GSPT2: variants seen among roughly 807,000 people sequenced by gnomAD.
GSPT2 encodes eukaryotic peptide chain release factor GTP-binding subunit ERF3B.
Under a neutral mutation model 24.6 loss-of-function variants are expected in GSPT2, and 2 were observed. That is an observed-to-expected ratio of 0.08 (90% confidence interval 0.03 to 0.26). The LOEUF (loss-of-function observed/expected upper bound fraction) is 0.26, where lower values mean the gene tolerates loss of function less well. Among genes scored for constraint, GSPT2 ranks in the 10% least tolerant of loss-of-function variants. The probability of loss-of-function intolerance (pLI) is 1.00; values close to 1 mark genes in which losing one functional copy is unlikely to be tolerated. For missense variants in GSPT2, 322 were observed against 489.6 expected, an observed-to-expected ratio of 0.66 and a Z score of 3.23; for synonymous variants, 194 against 189.3, an observed-to-expected ratio of 1.02 and a Z score of -0.20.
At position 51,745,717 on chromosome X, in the gene GSPT2, CTG is replaced by C. The variant is rs1923980293; in HGVS notation, c.*206_*207del. ...GAATTTACCCTCAAGTTTCCTTCCT[CTG>C]TACCACTCTGCTTCCTTGGACAATA... is the stretch of plus-strand genomic sequence containing the variant. On this transcript the variant is annotated 3_prime_UTR_variant, in exon 1 of 1. Coordinates refer to ENST00000340438, the MANE Select transcript of GSPT2 (RefSeq NM_018094.5). 2 of 422,439 alleles carry C rather than the reference CTG, an allele frequency of 4.7e-6. No homozygotes were observed. Among genetic ancestry groups the C allele is most frequent in the East Asian group, 7.9e-5 (2 of 25,398 alleles). 34.8% of individuals were successfully genotyped at this position (422,439 alleles called of 1,213,427 possible). A position where few individuals can be genotyped will look rare whatever the true frequency, so the allele number is the denominator to read the frequency against.
rs1557349108 is a variant in GSPT2 at position 51,746,127 on chromosome X, T to A, written c.*614T>A. ...GTGTATTAAAGGAATAATTTTAATT[T>A]TGAGAAAAAAACGTATGTTAAGGCT... On this transcript the variant is annotated 3_prime_UTR_variant, in exon 1 of 1. Coordinates refer to ENST00000340438, the MANE Select transcript of GSPT2 (RefSeq NM_018094.5). The A allele has an allele frequency of 8.1e-6, 1 of 124,057 alleles. No individual in the cohort carries two copies. The allele number at this position is 124,057 out of a possible 1,213,427, so 10.2% of individuals were successfully genotyped here.
In GSPT2 at chrX:51,744,206, G is replaced by C. The variant is rs367676302; in HGVS notation, c.580G>C (p.Val194Leu). Residue 194 changes from valine (V) to leucine (L), a missense_variant, in exon 1 of 1, where the codon GTA becomes CTA. Around this residue, in one of 4 missense-constraint regions of GSPT2, gnomAD observed 72 missense variants for 121.5 expected, o/e 0.59. Coordinates refer to ENST00000340438, the MANE Select transcript of GSPT2 (RefSeq NM_018094.5). ...AATAAGAAAATCCAAATCTGTGATC[G>C]TACCCTCAGGTGCACCTAAGAAAGA... Reference protein sequence around the residue: ...EEIRKSKSVIVPSGAPKKEHV... With the variant: ...EEIRKSKSVILPSGAPKKEHV... 1.7e-6 allele frequency: 2 copies of C among 1,206,406 alleles called. No homozygotes were observed. The highest frequency in any genetic ancestry group is 2.2e-6 in the Non-Finnish European group (2 of 891,370).
In GSPT2 at chrX:51,743,669, T is replaced by A; in HGVS notation, c.43T>A (p.Trp15Arg). The A allele has an allele frequency of 8.3e-7, 1 of 1,203,717 alleles. No homozygotes were observed. The highest frequency in any genetic ancestry group is 1.1e-6 in the Non-Finnish European group (1 of 891,533). ...CAGCAGCGACTCGGCGCCCGATTGC[T>A]GGGACCAGGTGGACATGGAATCCCC... ...SSSSDSAPDC[W>R]DQVDMESPGS... Residue 15 changes from tryptophan to arginine, a missense_variant, in exon 1 of 1, where the codon TGG (tryptophan) becomes AGG (arginine). Transcript: ENST00000340438.
At position 51,743,875 on chromosome X, in the gene GSPT2, G is replaced by A. The variant is rs1923945392; in HGVS notation, c.249G>A (p.Pro83=). The part of the protein sequence containing the change: ...LRGPTQPPTL[P]AGSGSNDETC... ...GCCCGACTCAGCCGCCCACCCTCCC[G>A]GCCGGCTCCGGCAGCAACGATGAAA... The change falls in exon 1 of 1, where the codon CCG becomes CCA. Residue 83 remains proline (P), a synonymous_variant. Transcript: ENST00000340438. 1.7e-6 allele frequency: 2 copies of A among 1,204,273 alleles called. No homozygotes were observed. Among genetic ancestry groups the A allele is most frequent in the Non-Finnish European group, 2.2e-6 (2 of 891,728 alleles).
chrX:51,745,084 C>T lies in GSPT2; in HGVS notation c.1458C>T (p.Ala486=). 8.3e-7 allele frequency: 1 copy of T among 1,207,092 alleles called. No homozygotes were observed. ...ATGATACTGAAACTGATTTTGTAGC[C>T]CCAGGTGAAAACCTCAAAATCAGAC... The part of the protein sequence containing the change: ...LSDDTETDFV[A]PGENLKIRLK... Residue 486 remains alanine, a synonymous_variant, in exon 1 of 1, where the codon GCC becomes GCT. Coordinates refer to ENST00000340438, the MANE Select transcript of GSPT2 (RefSeq NM_018094.5).
chrX:51,745,406 C>T lies in GSPT2; in HGVS notation c.1780C>T (p.Leu594Phe), dbSNP rs1557349008. The change falls in exon 1 of 1, where the codon CTC becomes TTC. Residue 594 changes from leucine (L) to phenylalanine (F), a missense_variant. By Grantham distance (22) the Leu-to-Phe change is conservative. Coordinates refer to ENST00000340438, the MANE Select transcript of GSPT2 (RefSeq NM_018094.5). ...ARLRTAGTIC[L>F]ETFKDFPQMG... The stretch of plus-strand genomic sequence containing the variant: ...TTTAAGGACAGCAGGAACCATCTGC[C>T]TCGAGACGTTCAAAGATTTTCCTCA... 8.3e-7 allele frequency: 1 copy of T among 1,205,336 alleles called. No homozygotes were observed. The highest frequency in any genetic ancestry group is 1.1e-6 in the Non-Finnish European group (1 of 889,896).
Position 51,743,597 on chromosome X carries a change from C to A in GSPT2, c.-30C>A. On this transcript the variant is annotated 5_prime_UTR_variant, in exon 1 of 1. Coordinates refer to ENST00000340438, the MANE Select transcript of GSPT2 (RefSeq NM_018094.5). Reference sequence around the variant, plus strand: ...CTCTTCTGGCCTGTTGAGCCCGCTCCCTCACTGCCACACAGCAAGTTCCGA... The same window carrying A: ...CTCTTCTGGCCTGTTGAGCCCGCTCACTCACTGCCACACAGCAAGTTCCGA... 8.7e-7 allele frequency: 1 copy of A among 1,155,508 alleles called. No homozygotes were observed. Among genetic ancestry groups the A allele is most frequent in the Middle Eastern group, 2.5e-4 (1 of 3,993 alleles).
In GSPT2 at chrX:51,743,971, G is replaced by T. The variant is rs1363226501; in HGVS notation, c.345G>T (p.Glu115Asp). 8.3e-7 allele frequency: 1 copy of T among 1,206,027 alleles called. No homozygotes were observed. The highest frequency in any genetic ancestry group is 1.7e-5 in the African/African-American group (1 of 57,157). ...GGGCACCTGTGGAACCTTCCCGAGA[G>T]GAACCGTTAGTGTCGCTTGAAGGTT... ...GRGAPVEPSR[E>D]EPLVSLEGSN... The change falls in exon 1 of 1, where the codon GAG becomes GAT. Residue 115 changes from glutamate (E) to aspartate (D), a missense_variant. Glu to Asp is a conservative substitution (Grantham distance 45, BLOSUM62 2). Around this residue, in one of 4 missense-constraint regions of GSPT2, gnomAD observed 125 missense variants for 121.3 expected, o/e 1.03. Coordinates refer to ENST00000340438, the MANE Select transcript of GSPT2 (RefSeq NM_018094.5).
Position 51,744,250 on chromosome X carries a change from C to A in GSPT2, c.624C>A (p.Phe208Leu). 8.3e-7 allele frequency: 1 copy of A among 1,210,133 alleles called. No homozygotes were observed. The highest frequency in any genetic ancestry group is 1.1e-6 in the Non-Finnish European group (1 of 894,353). The change falls in exon 1 of 1, where the codon TTC (phenylalanine) becomes TTA (leucine). Residue 208 changes from phenylalanine (F) to leucine (L), a missense_variant. Phe to Leu is a conservative substitution (Grantham distance 22). This residue lies in a region of GSPT2 where 72 missense variants were observed against 121.5 expected (regional missense o/e 0.59). Coordinates refer to ENST00000340438, the MANE Select transcript of GSPT2 (RefSeq NM_018094.5). Reference sequence around the variant, plus strand: ...AGAAAGAACACGTAAATGTAGTATTCATTGGCCATGTAGACGCTGGCAAGT... The same window carrying A: ...AGAAAGAACACGTAAATGTAGTATTAATTGGCCATGTAGACGCTGGCAAGT... ...APKKEHVNVV[F>L]IGHVDAGKST...
In GSPT2 at chrX:51,744,363, A is replaced by G; in HGVS notation, c.737A>G (p.Asn246Ser). 2 of 1,211,890 alleles carry G rather than the reference A, an allele frequency of 1.7e-6. No individual in the cohort carries two copies. Among genetic ancestry groups the G allele is most frequent in the African/African-American group, 1.7e-5 (1 of 57,851 alleles). The change falls in exon 1 of 1, where the codon AAC (asparagine) becomes AGC (serine). Residue 246 changes from asparagine to serine, a missense_variant. Physicochemically the swap from Asn to Ser is conservative, Grantham distance 46. Around this residue, in one of 4 missense-constraint regions of GSPT2, gnomAD observed 72 missense variants for 121.5 expected, o/e 0.59. Transcript: ENST00000340438. ...TATGAAAGAGAAGCTAAGGAAAAAA[A>G]CAGAGAAACCTGGTATTTGTCCTGG... ...EKYEREAKEKNRETWYLSWAL... is the reference protein window; with the variant it reads ...EKYEREAKEKSRETWYLSWAL...
rs782600305 is a variant in GSPT2, at chrX:51,743,886, G to A, written c.260G>A (p.Gly87Asp). Residue 87 changes from glycine to aspartate, a missense_variant, in exon 1 of 1, where the codon GGC becomes GAC. Gly to Asp is a moderately conservative substitution (Grantham distance 94, BLOSUM62 -1). Around this residue, in one of 4 missense-constraint regions of GSPT2, gnomAD observed 125 missense variants for 121.3 expected, o/e 1.03. Coordinates refer to ENST00000340438, the MANE Select transcript of GSPT2 (RefSeq NM_018094.5). Reference protein sequence around the residue: ...TQPPTLPAGSGSNDETCTGAG... With the variant: ...TQPPTLPAGSDSNDETCTGAG... The stretch of plus-strand genomic sequence containing the variant: ...CCGCCCACCCTCCCGGCCGGCTCCG[G>A]CAGCAACGATGAAACCTGCACCGGC... 20 of 1,203,769 alleles carry A rather than the reference G, an allele frequency of 1.7e-5. No homozygotes were observed. In the Admixed American group the frequency reaches 4.4e-4, roughly 27 times the overall value.
chrX:51,743,618 T>A lies in GSPT2; in HGVS notation c.-9T>A. 1.7e-6 allele frequency: 2 copies of A among 1,184,178 alleles called. No individual in the cohort carries two copies. Among genetic ancestry groups the A allele is most frequent in the Non-Finnish European group, 2.3e-6 (2 of 880,513 alleles). ...GCTCCCTCACTGCCACACAGCAAGTTCCGAGACCATGGATTCGGGCAGCAG... is the reference window on the plus strand; with the variant it reads ...GCTCCCTCACTGCCACACAGCAAGTACCGAGACCATGGATTCGGGCAGCAG... On this transcript the variant is annotated 5_prime_UTR_variant, in exon 1 of 1. Transcript: ENST00000340438.
chrX:51,745,647 A>C lies in GSPT2; in HGVS notation c.*134A>C. On this transcript the variant is annotated 3_prime_UTR_variant, in exon 1 of 1. Coordinates refer to ENST00000340438, the MANE Select transcript of GSPT2 (RefSeq NM_018094.5). ...AAGAGAAATTTCACAGCAAAAATTC[A>C]TGTTTTGTCAGCTTTCTCATGTTGA... 2 of 471,940 alleles carry C rather than the reference A, an allele frequency of 4.2e-6. No individual in the cohort carries two copies. The highest frequency in any genetic ancestry group is 7.4e-6 in the Non-Finnish European group (2 of 269,918). The allele number at this position is 471,940 out of a possible 1,213,427, so 38.9% of individuals were successfully genotyped here.
chrX:51,743,779 G>A lies in GSPT2; in HGVS notation c.153G>A (p.Lys51=), dbSNP rs1557348788. ...REPLSSAFSR[K]LNVNAKPFVP... ...CCCTCAGCTCGGCTTTCAGCCGTAA[G>A]CTCAACGTCAACGCCAAGCCCTTCG... Residue 51 remains lysine (K), a synonymous_variant, in exon 1 of 1, where the codon AAG becomes AAA. Coordinates refer to ENST00000340438, the MANE Select transcript of GSPT2 (RefSeq NM_018094.5). The A allele has an allele frequency of 2.5e-6, 3 of 1,211,892 alleles. No homozygotes were observed. In the South Asian group the frequency reaches 5.3e-5, roughly 21 times the overall value.
rs1557348920 is a variant in GSPT2, at chrX:51,744,660, T to C, written c.1034T>C (p.Ile345Thr). ...AAAACGGCAGGGGTAAAACATTTAATAGTGCTTATTAATAAGATGGATGAT... is the reference window on the plus strand; with the variant it reads ...AAAACGGCAGGGGTAAAACATTTAACAGTGCTTATTAATAAGATGGATGAT... ...LAKTAGVKHL[I>T]VLINKMDDPT... is the part of the protein sequence containing the mutation. Residue 345 changes from isoleucine to threonine, a missense_variant, in exon 1 of 1, where the codon ATA becomes ACA. Coordinates refer to ENST00000340438, the MANE Select transcript of GSPT2 (RefSeq NM_018094.5). 1 of 1,209,047 alleles carries C rather than the reference T, an allele frequency of 8.3e-7. No homozygotes were observed.
Position 51,744,041 on chromosome X carries a change from A to G in GSPT2, c.415A>G (p.Asn139Asp), listed in dbSNP as rs1188754574. 1 of 1,208,899 alleles carries G rather than the reference A, an allele frequency of 8.3e-7. No homozygotes were observed. The highest frequency in any genetic ancestry group is 1.1e-6 in the Non-Finnish European group (1 of 894,668). ...TMELSEPVVE[N>D]GEVEMALEES... ...GGAACTTTCAGAACCTGTTGTAGAA[A>G]ATGGAGAGGTGGAAATGGCCCTAGA... The change falls in exon 1 of 1, where the codon AAT (asparagine) becomes GAT (aspartate). Residue 139 changes from asparagine (N) to aspartate (D), a missense_variant. Asn to Asp is a conservative substitution (Grantham distance 23, BLOSUM62 1). Transcript: ENST00000340438.
rs1557348750 is a variant in GSPT2, at chrX:51,743,607, A to C, written c.-20A>C. ...CTGTTGAGCCCGCTCCCTCACTGCC[A>C]CACAGCAAGTTCCGAGACCATGGAT... is the stretch of plus-strand genomic sequence containing the variant. On this transcript the variant is annotated 5_prime_UTR_variant, in exon 1 of 1. Transcript: ENST00000340438. 8.5e-7 allele frequency: 1 copy of C among 1,172,154 alleles called. No homozygotes were observed. The highest frequency in any genetic ancestry group is 3.0e-5 in the East Asian group (1 of 33,528).
Position 51,743,615 on chromosome X carries a change from A to G in GSPT2, c.-12A>G, listed in dbSNP as rs1557348756. On this transcript the variant is annotated 5_prime_UTR_variant, in exon 1 of 1. Coordinates refer to ENST00000340438, the MANE Select transcript of GSPT2 (RefSeq NM_018094.5). ...CCCGCTCCCTCACTGCCACACAGCA[A>G]GTTCCGAGACCATGGATTCGGGCAG... The G allele has an allele frequency of 8.5e-7, 1 of 1,178,407 alleles. No homozygotes were observed. The highest frequency in any genetic ancestry group is 3.0e-5 in the East Asian group (1 of 33,558).
In GSPT2 at chrX:51,743,495, C is replaced by A. The variant is rs1923932464; in HGVS notation, c.-132C>A. 1 of 511,693 alleles carries A rather than the reference C, an allele frequency of 2.0e-6. No homozygotes were observed. Among genetic ancestry groups the A allele is most frequent in the Non-Finnish European group, 3.1e-6 (1 of 323,338 alleles). 42.2% of individuals were successfully genotyped at this position (511,693 alleles called of 1,213,427 possible). On this transcript the variant is annotated 5_prime_UTR_variant, in exon 1 of 1. Coordinates refer to ENST00000340438, the MANE Select transcript of GSPT2 (RefSeq NM_018094.5). ...ATGCAGCATCGGCGCTTAGCTGCCT[C>A]CGCGGTGCAGCTAAGGTTCGTGTCG...
Sources: allele counts gnomAD v4.1 joint callset, GRCh38; gene constraint gnomAD v4.1.1; regional missense constraint gnomAD v4.1.1; transcripts MANE v1.5; gene names NCBI Gene and HGNC (gene_info 2026-07-23, HGNC 2026-07-21).